Variants in KCND2 observed in about 807,000 individuals in gnomAD.
KCND2 encodes A-type voltage-gated potassium channel KCND2.
In KCND2, 16 loss-of-function variants were observed where a neutral mutation model predicts 54.4. That is an observed-to-expected ratio of 0.29 (90% confidence interval 0.20 to 0.45). KCND2 has a LOEUF of 0.45. Ranked by LOEUF, KCND2 falls within the 20% of genes least tolerant of loss-of-function variation. The pLI, the probability that KCND2 is intolerant of heterozygous loss-of-function variation, is 1.00. For synonymous variants in KCND2, 317 were observed against 310.7 expected, an observed-to-expected ratio of 1.02 and a Z score of -0.21; for missense variants, 486 against 824.2, an observed-to-expected ratio of 0.59 and a Z score of 5.02.
intron 1 of KCND2, among the ~76,000 whole-genome samples, chr7:120,718,768 G>T (rs907115114): frequency 6.6e-6 from 1 of 152,150 alleles, no homozygotes; most frequent in East Asian, 1.9e-4. Flanking sequence ...AGCCATTGGG[G>T]CATTCCTCTT....
chr7:120,368,839 G>T (rs1800723104), intron 1 of KCND2, among the ~76,000 whole-genome samples: 1 of 152,056 alleles, frequency 6.6e-6, no homozygotes, highest in Non-Finnish European at 1.5e-5. Flanking sequence ...ATAAAGGACA[G>T]AATTAAATTA....
intron 1 of KCND2, among the ~76,000 whole-genome samples, chr7:120,415,278 A>G (rs935552897): frequency 6.6e-6 from 1 of 152,168 alleles, no homozygotes; most frequent in Non-Finnish European, 1.5e-5. Flanking sequence ...CTGAACAAAA[A>G]CAAAAACAAC....
At chr7:120,506,591 A>G (rs1562858287) in intron 1 of KCND2, among the ~76,000 whole-genome samples, 1 of 151,932 alleles carries the variant, frequency 6.6e-6, no homozygotes, top group Non-Finnish European at 1.5e-5. Flanking sequence ...TTTTCATTTC[A>G]GTCTATGGAA....
intron 2 of KCND2, among the ~76,000 whole-genome samples, chr7:120,737,098 AC>A (rs377040536): frequency 1.0e-4 from 15 of 150,484 alleles, no homozygotes; most frequent in African/African-American, 3.7e-4. Context: ...AAAAAACAAA[AC>A]AAAAAACAGA....
At chr7:120,701,782 C>T (rs1269487226) in intron 1 of KCND2, among the ~76,000 whole-genome samples, 1 of 152,078 alleles carries the variant, frequency 6.6e-6, no homozygotes, top group African/African-American at 2.4e-5. Context: ...TGGGACCCCT[C>T]CTTACACCAT....
intron 1 of KCND2, among the ~76,000 whole-genome samples, chr7:120,398,039 T>TA (rs1563033173): frequency 4.7e-5 from 6 of 126,608 alleles, no homozygotes; most frequent in African/African-American, 1.8e-4. Flanking sequence ...ATATATATAT[T>TA]TGCTCTTTTT....
chr7:120,539,115 T>C (rs6950392), intron 1 of KCND2, among the ~76,000 whole-genome samples: 1 of 152,112 alleles, frequency 6.6e-6, no homozygotes, highest in African/African-American at 2.4e-5. Context: ...ATATTATAGC[T>C]AATAAAGCAA....
chr7:120,350,855 A>G (rs944606384), intron 1 of KCND2, among the ~76,000 whole-genome samples: 1 of 152,196 alleles, frequency 6.6e-6, no homozygotes, highest in Admixed American at 6.5e-5. Context: ...TATTTTGACA[A>G]CCAGGTCCAC....
chr7:120,328,806 A>G (rs932971083), intron 1 of KCND2, among the ~76,000 whole-genome samples: 4 of 152,138 alleles, frequency 2.6e-5, no homozygotes, highest in Admixed American at 1.3e-4. Context: ...TCTTAGTTAT[A>G]TATTCTTGAT....
intron 1 of KCND2, among the ~76,000 whole-genome samples, chr7:120,617,836 G>A (rs1476231195): frequency 1.3e-5 from 2 of 151,976 alleles, no homozygotes; most frequent in Admixed American, 6.6e-5. Flanking sequence ...ATATTATGCA[G>A]CTATTTAAAA....
chr7:120,512,523 A>C (rs1584808312), intron 1 of KCND2, among the ~76,000 whole-genome samples: 2 of 151,948 alleles, frequency 1.3e-5, no homozygotes, highest in East Asian at 3.9e-4. Context: ...TTAACAATTC[A>C]CTTTAGAATC....
At chr7:120,669,304 A>G (rs574364774) in intron 1 of KCND2, among the ~76,000 whole-genome samples, 1 of 152,234 alleles carries the variant, frequency 6.6e-6, no homozygotes, top group South Asian at 2.1e-4. Context: ...AGTTCACCCA[A>G]ATTATCATGC....
chr7:120,386,920 CTTCAG>C (rs1800996721), intron 1 of KCND2, among the ~76,000 whole-genome samples: 1 of 152,264 alleles, frequency 6.6e-6, no homozygotes, highest in South Asian at 2.1e-4. Flanking sequence ...TCCTCACCAA[CTTCAG>C]TTCTTTATTC....
intron 1 of KCND2, among the ~76,000 whole-genome samples, chr7:120,336,385 T>A (rs1800152605): frequency 6.6e-6 from 1 of 152,152 alleles, no homozygotes; most frequent in African/African-American, 2.4e-5. Context: ...TGTTTTAGAG[T>A]GGGCTTTTTC....
intron 1 of KCND2, among the ~76,000 whole-genome samples, chr7:120,709,634 CAT>C (rs1254830663): frequency 1.3e-5 from 2 of 152,130 alleles, no homozygotes; most frequent in Non-Finnish European, 1.5e-5. Context: ...AGTAAGAAAA[CAT>C]GTGTTAAGGG....
intron 1 of KCND2, among the ~76,000 whole-genome samples, chr7:120,355,864 C>T (rs1382180439): frequency 6.6e-6 from 1 of 152,156 alleles, no homozygotes; most frequent in Non-Finnish European, 1.5e-5. Context: ...TGAGTAACTT[C>T]CACTTGATAT....
At chr7:120,415,889 A>G (rs773681317) in intron 1 of KCND2, among the ~76,000 whole-genome samples, 45 of 152,336 alleles carry the variant, frequency 3.0e-4, no homozygotes, top group South Asian at 8.3e-4. Flanking sequence ...TCTTAAAGAA[A>G]GGGACAGGCA....
At chr7:120,560,876 C>T (rs1379368162) in intron 1 of KCND2, among the ~76,000 whole-genome samples, 1 of 152,218 alleles carries the variant, frequency 6.6e-6, no homozygotes, top group African/African-American at 2.4e-5. Context: ...AGAAGAAAAT[C>T]GAATTCAGAG....
rs138749887 is a variant in KCND2 at position 120,742,399 on chromosome 7, A to T, written c.1375-111A>T. 1.4e-4 allele frequency: 121 copies of T among 877,184 alleles called. No individual in the cohort carries two copies. In the East Asian group the frequency reaches 2.9e-3, roughly 21 times the overall value. The allele number at this position is 877,184 out of a possible 1,614,324, so 54.3% of individuals were successfully genotyped here. A position where few individuals can be genotyped will look rare whatever the true frequency, so the allele number is the denominator to read the frequency against. On this transcript the variant is annotated intron_variant, in intron 3 of 5. Coordinates refer to ENST00000331113, the MANE Select transcript of KCND2 (RefSeq NM_012281.3). ...ATTTGTTCCTTTCTAGTTAGAAAAAAATAAAATGTTGCCAGTTAATAGAGC... is the reference window on the plus strand; with the variant it reads ...ATTTGTTCCTTTCTAGTTAGAAAAATATAAAATGTTGCCAGTTAATAGAGC...
Sources: allele counts gnomAD v4.1 joint callset (sites outside exome capture counted in the v4.1 genomes callset), GRCh38; gene constraint gnomAD v4.1.1; transcripts MANE v1.5; gene names NCBI Gene and HGNC (gene_info 2026-07-23, HGNC 2026-07-21).